The following VCPIP1 variants were observed in gnomAD, a reference collection of about 807,000 sequenced individuals.
The protein encoded by VCPIP1 is deubiquitinating protein VCPIP1.
A neutral mutation model predicts 85.0 loss-of-function variants in VCPIP1; 8 were observed. The observed-to-expected ratio is 0.09, with a 90% CI of 0.06 to 0.17. The LOEUF (loss-of-function observed/expected upper bound fraction) is 0.17. Among genes scored for constraint, VCPIP1 ranks in the 10% least tolerant of loss-of-function variants. VCPIP1 has a pLI of 1.00. For synonymous variants in VCPIP1, 543 were observed against 544.5 expected, an observed-to-expected ratio of 1.00 and a Z score of 0.04; for missense variants, 1,070 against 1,486.3, an observed-to-expected ratio of 0.72 and a Z score of 4.61.
chr8:66,637,485 CAAAA>C (rs59405974), intron 2 of VCPIP1, among the ~76,000 whole-genome samples: 4 of 91,766 alleles, frequency 4.4e-5, no homozygotes, highest in South Asian at 3.7e-4. Context: ...GACTCCATCT[CAAAA>C]AAAAAAAAAA....
intron 2 of VCPIP1, among the ~76,000 whole-genome samples, chr8:66,637,099 C>A (rs537329267): frequency 6.6e-6 from 1 of 151,944 alleles, no homozygotes; most frequent in African/African-American, 2.4e-5. Context: ...GAGGCTGAGG[C>A]GGGAGGATCG....
rs1424495171 is a variant in VCPIP1 at position 66,631,929 on chromosome 8, C to G, written c.*2572G>C. On this transcript the variant is annotated 3_prime_UTR_variant, in exon 3 of 3. Coordinates refer to ENST00000310421, the MANE Select transcript of VCPIP1 (RefSeq NM_025054.5). ...CTTCAACACTACCTGGACTTTAGGT[C>G]ATCAACTTAAATTTGGTATGATTAA... The G allele has an allele frequency of 6.6e-6, 1 of 152,334 alleles. No individual in the cohort carries two copies. The highest frequency in any genetic ancestry group is 1.5e-5 in the Non-Finnish European group (1 of 67,916). 9.4% of individuals were successfully genotyped at this position (152,334 alleles called of 1,614,324 possible).
intron 1 of VCPIP1, among the ~76,000 whole-genome samples, chr8:66,655,092 T>A (rs1335123803): frequency 1.3e-5 from 2 of 152,256 alleles, no homozygotes; most frequent in Non-Finnish European, 2.9e-5. Flanking sequence ...TACCCTTGTT[T>A]GATGCTCCTA....
chr8:66,643,667 C>T (rs1810968668), intron 2 of VCPIP1, among the ~76,000 whole-genome samples: 2 of 151,940 alleles, frequency 1.3e-5, no homozygotes, highest in Non-Finnish European at 2.9e-5. Context: ...TGCACCACTG[C>T]ACTCCAGCCC....
Position 66,665,308 on chromosome 8 carries a change from C to T in VCPIP1, c.1651G>A (p.Gly551Arg). The T allele has an allele frequency of 6.2e-7, 1 of 1,614,050 alleles. No individual in the cohort carries two copies. The highest frequency in any genetic ancestry group is 1.7e-5 in the Admixed American group (1 of 60,006). ...CHGTSVRKVR[G>R]DGSIVYLDGD... ...TCCAAATACACAATAGACCCATCTCCTCTGACCTTTCGCACAGATGTGCCA... is the reference window on the plus strand; with the variant it reads ...TCCAAATACACAATAGACCCATCTCTTCTGACCTTTCGCACAGATGTGCCA... The change falls in exon 1 of 3, where the codon GGA (glycine) becomes AGA (arginine). Residue 551 changes from glycine (G) to arginine (R), a missense_variant. Physicochemically the swap from Gly to Arg is moderately radical, Grantham distance 125. Coordinates refer to ENST00000310421, the MANE Select transcript of VCPIP1 (RefSeq NM_025054.5). The surrounding 1 kb of genome is among the most constrained non-coding windows in gnomAD (Gnocchi z 4.3).
intron 2 of VCPIP1, among the ~76,000 whole-genome samples, chr8:66,650,034 T>C (rs577712590): frequency 1.3e-5 from 2 of 151,708 alleles, no homozygotes; most frequent in East Asian, 3.9e-4. Flanking sequence ...AAAAATACTG[T>C]TCTTTTTTTA....
chr8:66,642,223 G>T (rs1339465476), intron 2 of VCPIP1, among the ~76,000 whole-genome samples: 1 of 152,032 alleles, frequency 6.6e-6, no homozygotes, highest in East Asian at 1.9e-4. Flanking sequence ...CGTGTGATTG[G>T]CCATTTATAT....
intron 2 of VCPIP1, among the ~76,000 whole-genome samples, chr8:66,648,531 AT>A (rs1158554627): frequency 3.5e-4 from 3 of 8,532 alleles, no homozygotes; most frequent in Non-Finnish European, 1.1e-3. Context: ...TATCTAATCT[AT>A]CTATCTATCT....
chr8:66,637,604 T>G (rs1166632854), intron 2 of VCPIP1, among the ~76,000 whole-genome samples: 1 of 151,886 alleles, frequency 6.6e-6, no homozygotes, highest in Non-Finnish European at 1.5e-5. Context: ...AGATTTTATA[T>G]AGTCCTTCAA....
intron 2 of VCPIP1, among the ~76,000 whole-genome samples, chr8:66,647,198 A>G (rs1022949601): frequency 1.3e-5 from 2 of 151,210 alleles, no homozygotes; most frequent in African/African-American, 4.9e-5. Context: ...AAAATTAGCC[A>G]GGCGCGGTGG....
In VCPIP1 at chr8:66,665,176, T is replaced by C. The variant is rs943142362; in HGVS notation, c.1783A>G (p.Thr595Ala). The part of the protein sequence containing the change: ...YDNLPEAFPI[T>A]LEWGGRVVRE... ...ACCACTCTTCCACCCCATTCTAAAG[T>C]AATAGGGAAAGCTTCTGGTAGATTG... is the stretch of plus-strand genomic sequence containing the variant. Residue 595 changes from threonine (T) to alanine (A), a missense_variant, in exon 1 of 3, where the codon ACT (threonine) becomes GCT (alanine). Around this residue, in one of 8 missense-constraint regions of VCPIP1, gnomAD observed 123 missense variants for 156.3 expected, o/e 0.79. Coordinates refer to ENST00000310421, the MANE Select transcript of VCPIP1 (RefSeq NM_025054.5). The surrounding 1 kb of genome is among the most constrained non-coding windows in gnomAD (Gnocchi z 4.3). 1.2e-6 allele frequency: 2 copies of C among 1,612,636 alleles called. No homozygotes were observed. The highest frequency in any genetic ancestry group is 1.7e-6 in the Non-Finnish European group (2 of 1,179,168).
chr8:66,652,784 G>A (rs929235640), intron 1 of VCPIP1, among the ~76,000 whole-genome samples: 9 of 152,006 alleles, frequency 5.9e-5, no homozygotes, highest in African/African-American at 2.2e-4. Context: ...AATCAATAAA[G>A]AATGGCAGGA....
chr8:66,663,988 G>C (rs888813917), intron 1 of VCPIP1, among the ~76,000 whole-genome samples: 3 of 152,096 alleles, frequency 2.0e-5, no homozygotes, highest in Non-Finnish European at 2.9e-5. Flanking sequence ...TTTTTAAAAA[G>C]CAATTGCAAG....
intron 1 of VCPIP1, among the ~76,000 whole-genome samples, chr8:66,658,444 T>C (rs1425663295): frequency 6.6e-6 from 1 of 151,880 alleles, no homozygotes; most frequent in African/African-American, 2.4e-5. Context: ...TATTCAGTTG[T>C]CACCTAAAAA....
At chr8:66,639,357 G>A (rs1810925494) in intron 2 of VCPIP1, among the ~76,000 whole-genome samples, 1 of 100,396 alleles carries the variant, frequency 1.0e-5, no homozygotes, top group Non-Finnish European at 1.9e-5. Context: ...TGGTGTTGCT[G>A]GGGTTGGGGG....
Position 66,634,019 on chromosome 8 carries a change from A to G in VCPIP1, c.*482T>C, listed in dbSNP as rs1252408831. 6.5e-6 allele frequency: 1 copy of G among 152,708 alleles called. No individual in the cohort carries two copies. The highest frequency in any genetic ancestry group is 1.5e-5 in the Non-Finnish European group (1 of 68,258). 9.5% of individuals were successfully genotyped at this position (152,708 alleles called of 1,614,324 possible). On this transcript the variant is annotated 3_prime_UTR_variant, in exon 3 of 3. Transcript: ENST00000310421. ...ACATTTGCATTCCACTGTCTAATAA[A>G]TAATTGTATGAATTTTAAGATACAA...
At chr8:66,639,523 T>A (rs957241457) in intron 2 of VCPIP1, among the ~76,000 whole-genome samples, 1 of 151,332 alleles carries the variant, frequency 6.6e-6, no homozygotes, top group African/African-American at 2.4e-5. Flanking sequence ...CACAACAAAT[T>A]TTTGCATTTT....
rs111918384 is a variant in VCPIP1, at chr8:66,665,571, T to C, written c.1388A>G (p.Asp463Gly). The change falls in exon 1 of 3, where the codon GAT becomes GGT. Residue 463 changes from aspartate to glycine, a missense_variant. By Grantham distance (94) the Asp-to-Gly change is moderately conservative. Around this residue, in one of 8 missense-constraint regions of VCPIP1, gnomAD observed 83 missense variants for 134.6 expected, o/e 0.62. Transcript: ENST00000310421. This position sits in a 1 kb window ranked among gnomAD's most constrained non-coding sequence, Gnocchi z 4.3. ...GAGCAAACATTTGTGAAGGCGATTA[T>C]CCATTACTGCTTTTTTAGCAGCTGC... ...VTAAAKKAVM[D>G]NRLHKCLLCG... is the part of the protein sequence containing the mutation. The C allele has an allele frequency of 1.3e-4, 205 of 1,614,222 alleles. 6 individuals carry two copies. Among genetic ancestry groups the C allele is most frequent in the South Asian group, 8.9e-4 (81 of 91,090 alleles).
rs1811053510 is a variant in VCPIP1, at chr8:66,651,448, T to C, written c.2797+10A>G. 6.3e-7 allele frequency: 1 copy of C among 1,585,438 alleles called. No homozygotes were observed. The highest frequency in any genetic ancestry group is 8.6e-7 in the Non-Finnish European group (1 of 1,166,322). ...GCTATTATTTAAGAATAAAATCAAATTAACTATACCCATGGTTTTCTTCAT... is the reference window on the plus strand; with the variant it reads ...GCTATTATTTAAGAATAAAATCAAACTAACTATACCCATGGTTTTCTTCAT... On this transcript the variant is annotated intron_variant, in intron 2 of 2. Transcript: ENST00000310421.
Sources: allele counts gnomAD v4.1 joint callset (sites outside exome capture counted in the v4.1 genomes callset), GRCh38; gene constraint gnomAD v4.1.1; regional missense constraint gnomAD v4.1.1; non-coding constraint Gnocchi (gnomAD v3.1); transcripts MANE v1.5; gene names NCBI Gene and HGNC (gene_info 2026-07-23, HGNC 2026-07-21).